SLC5A4: variants seen among roughly 807,000 people sequenced by gnomAD.
SLC5A4 encodes the protein solute carrier family 5 member 4.
SLC5A4 carries 55 observed loss-of-function variants against 70.3 expected under a neutral mutation model. That is an observed-to-expected ratio of 0.78 (90% CI 0.63 to 0.98). The LOEUF (loss-of-function observed/expected upper bound fraction) is 0.98. SLC5A4 is among the 50% of genes least tolerant of loss of function. The pLI is 0.00. For synonymous variants in SLC5A4, 268 were observed against 305.7 expected, an observed-to-expected ratio of 0.88 and a Z score of 1.29; for missense variants, 735 against 839.2, an observed-to-expected ratio of 0.88 and a Z score of 1.53.
chr22:32,285,121 T>C, the SLC5A4 span: 1 of 152,202 alleles, frequency 6.6e-6, no homozygotes, highest in Non-Finnish European at 1.5e-5. Flanking sequence ...ATAAATTTTA[T>C]AATAAAAGTA....
At chr22:32,228,549 A>AC (rs576399827) in intron 11 of SLC5A4, among the ~76,000 whole-genome samples, 9 of 152,054 alleles carry the variant, frequency 5.9e-5, no homozygotes, top group African/African-American at 2.2e-4. Flanking sequence ...TCTCAAAAAA[A>AC]AAAAATGCTA....
the SLC5A4 span, among the ~76,000 whole-genome samples, chr22:32,290,705 T>C: frequency 6.6e-6 from 1 of 152,128 alleles, no homozygotes; most frequent in Admixed American, 6.6e-5. Context: ...TGCAGAAGAC[T>C]CGCTCTCTGC....
the SLC5A4 span, among the ~76,000 whole-genome samples, chr22:32,282,622 G>C: frequency 1.3e-5 from 2 of 152,192 alleles, no homozygotes; most frequent in Admixed American, 1.3e-4. Context: ...CTCCAGCCTG[G>C]ACCTCTGTCC....
At chr22:32,341,386 C>T in the SLC5A4 span, among the ~76,000 whole-genome samples, 2 of 152,290 alleles carry the variant, frequency 1.3e-5, no homozygotes, top group South Asian at 2.1e-4. Context: ...CCCAGGGCTC[C>T]CCAGTTCCCC....
chr22:32,263,507 T>A, the SLC5A4 span, among the ~76,000 whole-genome samples: 2 of 152,130 alleles, frequency 1.3e-5, no homozygotes, highest in Non-Finnish European at 2.9e-5. Context: ...AGATACCATT[T>A]CACGCCAGTT....
At chr22:32,330,991 C>A in the SLC5A4 span, among the ~76,000 whole-genome samples, 2 of 33,254 alleles carry the variant, frequency 6.0e-5, no homozygotes, top group African/African-American at 1.2e-4. Flanking sequence ...GTGTTGGGGG[C>A]TCTGGTGTGT....
the SLC5A4 span, among the ~76,000 whole-genome samples, chr22:32,314,611 A>ATT: frequency 6.6e-6 from 1 of 152,160 alleles, no homozygotes; most frequent in African/African-American, 2.4e-5. Flanking sequence ...TGGGCAGATG[A>ATT]TTTTTTTAAA....
chr22:32,236,754 G>C (rs1926083645), intron 7 of SLC5A4, among the ~76,000 whole-genome samples: 1 of 151,164 alleles, frequency 6.6e-6, no homozygotes, highest in African/African-American at 2.4e-5. Context: ...GCCCAGGCTG[G>C]AGTGCAGTGG....
the SLC5A4 span, among the ~76,000 whole-genome samples, chr22:32,324,349 TA>T: frequency 1.2e-4 from 18 of 151,578 alleles, no homozygotes; most frequent in African/African-American, 3.9e-4. Context: ...AATGACTTTT[TA>T]AAAAAAACAT....
At chr22:32,342,692 C>T in the SLC5A4 span, among the ~76,000 whole-genome samples, 1 of 152,084 alleles carries the variant, frequency 6.6e-6, no homozygotes, top group Non-Finnish European at 1.5e-5. Context: ...CTGGAAAATA[C>T]TTTCCCAATA....
chr22:32,298,104 G>A, the SLC5A4 span, among the ~76,000 whole-genome samples: 1 of 130,708 alleles, frequency 7.7e-6, no homozygotes, highest in Non-Finnish European at 1.6e-5. Context: ...TAGGTGTGGT[G>A]TGGTGCTGAA....
rs1925721121 is a variant in SLC5A4, at chr22:32,230,996, G to A, written c.1101C>T (p.Pro367=). The change falls in exon 10 of 15, where the codon CCC becomes CCT. Residue 367 remains proline (P), a synonymous_variant. Transcript: ENST00000266086. ...VDVGCTNYAY[P]TMVLELMPQG... ...GGGGCATCAGTTCCAGCACCATCGTGGGGTATGCGTAGTTGGTGCAGCCAA... is the reference window on the plus strand; with the variant it reads ...GGGGCATCAGTTCCAGCACCATCGTAGGGTATGCGTAGTTGGTGCAGCCAA... The A allele has an allele frequency of 6.2e-7, 1 of 1,613,344 alleles. No homozygotes were observed. The highest frequency in any genetic ancestry group is 8.5e-7 in the Non-Finnish European group (1 of 1,179,270).
chr22:32,307,551 A>G, the SLC5A4 span, among the ~76,000 whole-genome samples: 1 of 152,300 alleles, frequency 6.6e-6, no homozygotes, highest in African/African-American at 2.4e-5. Flanking sequence ...AGGGAAGTCC[A>G]TGTCATTGAA....
the SLC5A4 span, among the ~76,000 whole-genome samples, chr22:32,265,675 A>T: frequency 1.3e-5 from 2 of 152,078 alleles, no homozygotes; most frequent in African/African-American, 4.8e-5. Context: ...CCCCCTCTCT[A>T]CTAAAAATAC....
At chr22:32,289,479 C>T in the SLC5A4 span, among the ~76,000 whole-genome samples, 24 of 152,288 alleles carry the variant, frequency 1.6e-4, no homozygotes, top group African/African-American at 2.9e-4. Context: ...GCCGCCATCA[C>T]GCTCCTCTCC....
At chr22:32,270,410 T>C in the SLC5A4 span, 4 of 1,459,484 alleles carry the variant, frequency 2.7e-6, no homozygotes, top group Non-Finnish European at 3.8e-6. Flanking sequence ...TGCTACGACA[T>C]GTGGACAGTC....
At chr22:32,289,421 G>C in the SLC5A4 span, among the ~76,000 whole-genome samples, 883 of 152,250 alleles carry the variant, frequency 5.8e-3, 15 homozygotes, top group African/African-American at 0.02. Flanking sequence ...TGCTGTTCTC[G>C]TGAGAGTGAG....
At chr22:32,274,332 G>A in the SLC5A4 span, among the ~76,000 whole-genome samples, 4 of 152,056 alleles carry the variant, frequency 2.6e-5, no homozygotes, top group African/African-American at 4.8e-5. Context: ...GAGCCACTGC[G>A]CCCGGCCCAA....
At chr22:32,247,948 T>TA (rs1926929103) in intron 4 of SLC5A4, among the ~76,000 whole-genome samples, 1 of 152,186 alleles carries the variant, frequency 6.6e-6, no homozygotes, top group South Asian at 2.1e-4. Context: ...CTTCAAGTCT[T>TA]AGAGCTGATC....
Sources: gnomAD v4.1 joint callset for allele counts (sites outside exome capture counted in the v4.1 genomes callset) on GRCh38, gnomAD v4.1.1 for gene constraint, MANE v1.5 for transcripts, NCBI Gene and HGNC (gene_info 2026-07-23, HGNC 2026-07-21) for gene names.